Variants in AUTS2 observed in about 807,000 individuals in gnomAD.
AUTS2 encodes the protein autism susceptibility gene 2 protein.
AUTS2 carries 17 observed loss-of-function variants against 112.4 expected under a neutral mutation model. That is an observed-to-expected ratio of 0.15 (90% confidence interval 0.10 to 0.23). The LOEUF is 0.23. Ranked by LOEUF, AUTS2 falls within the 10% of genes least tolerant of loss-of-function variation. The pLI, the probability that AUTS2 is intolerant of heterozygous loss-of-function variation, is 1.00. For missense variants in AUTS2, 1,510 were observed against 1,701.6 expected (o/e 0.89, Z 1.98); for synonymous variants, 751 against 702.7 (o/e 1.07, Z -1.09).
intron 1 of AUTS2, among the ~76,000 whole-genome samples, chr7:69,813,506 A>G (rs1790634793): frequency 6.6e-6 from 1 of 152,160 alleles, no homozygotes; most frequent in Non-Finnish European, 1.5e-5. Flanking sequence ...AAAATTATTT[A>G]ACCTTTCTAA....
At chr7:69,899,624 A>C (rs558327208) in intron 2 of AUTS2, 126 bp downstream of exon 2, 15 of 875,762 alleles carry the variant, frequency 1.7e-5, no homozygotes, top group Non-Finnish European at 2.6e-5. Flanking sequence ...TGGTTGTCCA[A>C]CAAAGCTGTG....
At chr7:70,616,700 C>G (rs17493371) in intron 5 of AUTS2, among the ~76,000 whole-genome samples, 57,641 of 151,182 alleles carry the variant, frequency 0.38, 11,708 homozygotes, top group African/African-American at 0.46. Flanking sequence ...TTAAAGTAAG[C>G]CAATGTGCTT....
In AUTS2 at chr7:70,081,974, C is replaced by T. The variant is rs573116376; in HGVS notation, c.523-36158C>T. ...TGTGTGTGTGTGTGTGTGCGCGCGC[C>T]TGTGTGTGTGTTTAAATTAGATTTT... is the stretch of plus-strand genomic sequence containing the variant. On this transcript the variant is annotated intron_variant, in intron 2 of 18. Coordinates refer to ENST00000342771, the MANE Select transcript of AUTS2 (RefSeq NM_015570.4). Among the ~76,000 whole-genome samples, 8 of 135,858 alleles carry T rather than the reference C, an allele frequency of 5.9e-5. No homozygotes were observed. The East Asian group carries it at 1.5e-3, about 25-fold the overall frequency. The allele number at this position is 135,858 out of a possible 152,430, so 89.1% of individuals were successfully genotyped here. A position where few individuals can be genotyped will look rare whatever the true frequency, so the allele number is the denominator to read the frequency against.
intron 1 of AUTS2, among the ~76,000 whole-genome samples, chr7:69,641,363 G>A (rs1328601190): frequency 2.6e-5 from 4 of 151,468 alleles, no homozygotes; most frequent in Non-Finnish European, 4.4e-5. Flanking sequence ...TCATGCTTTC[G>A]CTGATCCAGA....
chr7:69,904,977 C>T (rs966947747), intron 2 of AUTS2, among the ~76,000 whole-genome samples: 15 of 152,212 alleles, frequency 9.9e-5, no homozygotes, highest in Middle Eastern at 3.4e-3. Flanking sequence ...GAATTACTCA[C>T]GTATTGTATT....
In AUTS2 at chr7:70,216,219, A is replaced by G. The variant is rs1045405662; in HGVS notation, c.660+81648A>G. On this transcript the variant is annotated intron_variant, in intron 4 of 18. Transcript: ENST00000342771. ...AGTCTCCTTCAAGTCCCAAATTTCCAGTGTACATATGTTTCATCTTATGTT... is the reference window on the plus strand; with the variant it reads ...AGTCTCCTTCAAGTCCCAAATTTCCGGTGTACATATGTTTCATCTTATGTT... 3.3e-5 allele frequency among the ~76,000 whole-genome samples: 5 copies of G among 152,280 alleles called. No homozygotes were observed. In the East Asian group the frequency reaches 9.7e-4, roughly 29 times the overall value.
chr7:69,931,740 A>G (rs1192447674), intron 2 of AUTS2, among the ~76,000 whole-genome samples: 1 of 151,976 alleles, frequency 6.6e-6, no homozygotes, highest in East Asian at 1.9e-4. Context: ...TCTGACCTAT[A>G]CTGTTTTAGA....
At chr7:70,243,307 T>C (rs75754573) in intron 4 of AUTS2, among the ~76,000 whole-genome samples, 2,124 of 151,380 alleles carry the variant, frequency 0.014, 27 homozygotes, top group Non-Finnish European at 0.02. Context: ...TATATGTATG[T>C]ATACCAAACA....
At chr7:70,545,753 A>G (rs1171713749) in intron 5 of AUTS2, among the ~76,000 whole-genome samples, 1 of 152,076 alleles carries the variant, frequency 6.6e-6, no homozygotes, top group South Asian at 2.1e-4. Flanking sequence ...CCCTACTGAT[A>G]CATCTCAGGG....
chr7:70,582,050 T>C (rs1183245975), intron 5 of AUTS2, among the ~76,000 whole-genome samples: 1 of 152,026 alleles, frequency 6.6e-6, no homozygotes, highest in Non-Finnish European at 1.5e-5. Context: ...TTTTTTTTTT[T>C]TTTTTAACCA....
chr7:70,162,402 C>T (rs370833240), intron 4 of AUTS2, among the ~76,000 whole-genome samples: 55 of 130,056 alleles, frequency 4.2e-4, no homozygotes, highest in South Asian at 2.1e-3. Context: ...GCCGAGATCC[C>T]GCCACTGCAC....
intron 5 of AUTS2, among the ~76,000 whole-genome samples, chr7:70,468,902 G>A (rs924304783): frequency 2.0e-5 from 3 of 152,178 alleles, no homozygotes; most frequent in African/African-American, 4.8e-5. Context: ...GTGGGAAACT[G>A]TGGAGTGGCT....
intron 1 of AUTS2, among the ~76,000 whole-genome samples, chr7:69,772,970 T>C (rs1788729965): frequency 6.6e-6 from 1 of 152,214 alleles, no homozygotes; most frequent in Non-Finnish European, 1.5e-5. Flanking sequence ...AAAAAATTTA[T>C]GCCTAAAGGT....
In AUTS2 at chr7:69,861,258, A is replaced by C. The variant is rs148887265; in HGVS notation, c.310-38028A>C. Reference sequence around the variant, plus strand: ...GAAAGCAATGCTTGAAGGACCCATAAATGGATTTTGGCTGTCTCCTAGTGC... The same window carrying C: ...GAAAGCAATGCTTGAAGGACCCATACATGGATTTTGGCTGTCTCCTAGTGC... On this transcript the variant is annotated intron_variant, in intron 1 of 18. Coordinates refer to ENST00000342771, the MANE Select transcript of AUTS2 (RefSeq NM_015570.4). Among the ~76,000 whole-genome samples the C allele has an allele frequency of 1.4e-3, 220 of 152,316 alleles. 4 individuals are homozygous for C. Among genetic ancestry groups the C allele is most frequent in the South Asian group, 7.0e-3 (34 of 4,826 alleles).
At chr7:70,491,897 G>A (rs979087956) in intron 5 of AUTS2, among the ~76,000 whole-genome samples, 1 of 152,094 alleles carries the variant, frequency 6.6e-6, no homozygotes, top group African/African-American at 2.4e-5. Flanking sequence ...TTACAAGTGT[G>A]AGCCACCGCA....
intron 5 of AUTS2, among the ~76,000 whole-genome samples, chr7:70,467,962 C>T (rs1322851306): frequency 6.6e-6 from 1 of 152,220 alleles, no homozygotes; most frequent in African/African-American, 2.4e-5. Flanking sequence ...ATCACCCCAC[C>T]TTCAGATACA....
chr7:69,753,294 A>G (rs1192111399), intron 1 of AUTS2, among the ~76,000 whole-genome samples: 2 of 151,384 alleles, frequency 1.3e-5, no homozygotes, highest in African/African-American at 2.4e-5. Flanking sequence ...CTCTAGATAC[A>G]CGTAATGTGG....
rs1427734473 is a variant in AUTS2, at chr7:70,707,335, G to A, written c.742+8715G>A. 2.6e-5 allele frequency among the ~76,000 whole-genome samples: 4 copies of A among 152,178 alleles called. No homozygotes were observed. In the East Asian group the frequency reaches 7.7e-4, roughly 29 times the overall value. On this transcript the variant is annotated intron_variant, in intron 6 of 18. Transcript: ENST00000342771. ...TGTAATTCACTCATTTTTTAAGTGAGTAAACTGAGGCTCAGAAATGAGGCA... is the reference window on the plus strand; with the variant it reads ...TGTAATTCACTCATTTTTTAAGTGAATAAACTGAGGCTCAGAAATGAGGCA...
At chr7:70,621,838 C>CTCTTTTTTTTT (rs1186875967) in intron 5 of AUTS2, among the ~76,000 whole-genome samples, 1 of 66,788 alleles carries the variant, frequency 1.5e-5, no homozygotes, top group Admixed American at 2.4e-4. Context: ...TAGTCATTCT[C>CTCTTTTTTTTT]TTTTTTTTTT....
Sources: gnomAD v4.1 joint callset for allele counts (sites outside exome capture counted in the v4.1 genomes callset) on GRCh38, gnomAD v4.1.1 for gene constraint, MANE v1.5 for transcripts, NCBI Gene and HGNC (gene_info 2026-07-23, HGNC 2026-07-21) for gene names.